The following LRP1B variants were observed in gnomAD, a reference collection of about 807,000 sequenced individuals.
LRP1B encodes the protein LDL receptor related protein 1B.
LRP1B carries 217 observed loss-of-function variants against 556.6 expected under a neutral mutation model. The ratio of observed to expected loss-of-function variants is 0.39; its 90% CI spans 0.35 to 0.44. The LOEUF is 0.44. LRP1B is among the 20% of genes least tolerant of loss of function. The pLI is 1.00. For missense variants in LRP1B, 5,053 were observed against 5,620.8 expected (o/e 0.90, Z 3.23); for synonymous variants, 2,047 against 1,865.8 (o/e 1.10, Z -2.50).
intron 79 of LRP1B, among the ~76,000 whole-genome samples, chr2:140,328,899 CTTTA>C (rs1201023968): frequency 1.1e-4 from 16 of 152,004 alleles, no homozygotes; most frequent in African/African-American, 3.9e-4. Flanking sequence ...TTCATATCCA[CTTTA>C]TTTAACTAGA....
In LRP1B at chr2:140,820,031, G is replaced by T. The variant is rs139204959; in HGVS notation, c.5210-6225C>A. The stretch of plus-strand genomic sequence containing the variant: ...TATTATTTTTTCAAGACAGAGTCTC[G>T]CTCTGTCGCCCAGGCTGGAGTGCAG... On this transcript the variant is annotated intron_variant, in intron 31 of 90. Coordinates refer to ENST00000389484, the MANE Select transcript of LRP1B (RefSeq NM_018557.3). 3.8e-3 allele frequency among the ~76,000 whole-genome samples: 573 copies of T among 152,144 alleles called. 2 individuals are homozygous for T. Among genetic ancestry groups the T allele is most frequent in the Middle Eastern group, 0.02 (6 of 294 alleles).
chr2:140,689,986 CT>C (rs1686181514), intron 41 of LRP1B, among the ~76,000 whole-genome samples: 1 of 152,070 alleles, frequency 6.6e-6, no homozygotes. Flanking sequence ...CAATATAAAA[CT>C]TTCCATCCCA....
At chr2:141,989,231 T>C (rs140371376) in intron 1 of LRP1B, among the ~76,000 whole-genome samples, 329 of 151,704 alleles carry the variant, frequency 2.2e-3, no homozygotes, top group African/African-American at 7.6e-3. Flanking sequence ...ATGGTAATGA[T>C]TTGCATGAAA....
intron 63 of LRP1B, 42 bp from the exon 64 acceptor site, chr2:140,444,721 C>G (rs1256064564): frequency 8.7e-7 from 1 of 1,152,094 alleles, no homozygotes; most frequent in South Asian, 1.3e-5. Flanking sequence ...GTAATCTTAC[C>G]TCACAACTTC....
chr2:141,202,294 A>AT (rs528598203), intron 6 of LRP1B, among the ~76,000 whole-genome samples: 19 of 150,076 alleles, frequency 1.3e-4, no homozygotes, highest in Non-Finnish European at 2.6e-4. Context: ...TATGTACTAT[A>AT]TTTTCCGTAT....
chr2:141,642,286 C>T (rs752077224), intron 2 of LRP1B, among the ~76,000 whole-genome samples: 1 of 152,024 alleles, frequency 6.6e-6, no homozygotes, highest in Non-Finnish European at 1.5e-5. Context: ...AATCTGTTTC[C>T]TCATTTAAAT....
intron 35 of LRP1B, among the ~76,000 whole-genome samples, chr2:140,743,890 C>A (rs1391070956): frequency 7.2e-6 from 1 of 138,680 alleles, no homozygotes; most frequent in Non-Finnish European, 1.5e-5. Context: ...TCACTTGAAC[C>A]CAGGAGGGGG....
chr2:140,546,124 A>T (rs1680329470), intron 43 of LRP1B, among the ~76,000 whole-genome samples: 1 of 151,700 alleles, frequency 6.6e-6, no homozygotes, highest in Non-Finnish European at 1.5e-5. Flanking sequence ...ATTTGTGTAC[A>T]TTGGTTTTTG....
chr2:140,635,495 T>C (rs927733869), intron 41 of LRP1B, among the ~76,000 whole-genome samples: 1 of 152,032 alleles, frequency 6.6e-6, no homozygotes, highest in Admixed American at 6.6e-5. Context: ...TCTTTAGATA[T>C]AACATAGATA....
chr2:141,861,577 A>C (rs1016792554), intron 1 of LRP1B, among the ~76,000 whole-genome samples: 3 of 152,202 alleles, frequency 2.0e-5, no homozygotes, highest in African/African-American at 7.2e-5. Flanking sequence ...GCACCACCTT[A>C]GACTTGCCTG....
intron 5 of LRP1B, among the ~76,000 whole-genome samples, chr2:141,246,260 TAA>T (rs1434320074): frequency 6.6e-6 from 1 of 152,118 alleles, no homozygotes; most frequent in Non-Finnish European, 1.5e-5. Flanking sequence ...AAGGCTACAT[TAA>T]TGTGAATATC....
intron 1 of LRP1B, among the ~76,000 whole-genome samples, chr2:142,083,385 C>T (rs1705793554): frequency 6.6e-6 from 1 of 152,154 alleles, no homozygotes; most frequent in African/African-American, 2.4e-5. Flanking sequence ...CTTCAATGTG[C>T]AGCCTCCATA....
intron 3 of LRP1B, among the ~76,000 whole-genome samples, chr2:141,300,676 C>T (rs550432908): frequency 3.3e-5 from 5 of 152,238 alleles, no homozygotes; most frequent in East Asian, 1.9e-4. Context: ...AGCATTCCCC[C>T]GCCCCTCTCG....
intron 2 of LRP1B, among the ~76,000 whole-genome samples, chr2:141,551,332 A>G (rs1685743633): frequency 6.6e-6 from 1 of 152,034 alleles, no homozygotes; most frequent in African/African-American, 2.4e-5. Context: ...TTCATTAAAC[A>G]TTTAAAAAAG....
At chr2:141,589,536 T>C (rs1687260400) in intron 2 of LRP1B, among the ~76,000 whole-genome samples, 1 of 152,220 alleles carries the variant, frequency 6.6e-6, no homozygotes, top group African/African-American at 2.4e-5. Flanking sequence ...ATCCCCTTTT[T>C]CGTTTCCTGC....
chr2:140,616,484 C>CTTTTTTT (rs11416942), intron 41 of LRP1B, among the ~76,000 whole-genome samples: 1 of 140,536 alleles, frequency 7.1e-6, no homozygotes, highest in Non-Finnish European at 1.5e-5. Context: ...GTGACTCAGT[C>CTTTTTTT]TTTTTTTTTT....
intron 1 of LRP1B, among the ~76,000 whole-genome samples, chr2:142,122,465 T>C (rs919663239): frequency 3.3e-5 from 5 of 152,146 alleles, no homozygotes; most frequent in African/African-American, 9.6e-5. Context: ...GTTGATCATG[T>C]TGGATAGTCA....
intron 3 of LRP1B, among the ~76,000 whole-genome samples, chr2:141,287,007 T>C (rs187053328): frequency 1.8e-3 from 271 of 152,316 alleles, no homozygotes; most frequent in African/African-American, 6.1e-3. Context: ...GGGCAAACCA[T>C]GATGGGTAGT....
chr2:140,317,110 C>T (rs548329520), intron 82 of LRP1B, among the ~76,000 whole-genome samples: 7 of 151,870 alleles, frequency 4.6e-5, no homozygotes, highest in African/African-American at 9.7e-5. Context: ...TCACTGTAAG[C>T]GGACCTGGAT....
Sources: allele counts gnomAD v4.1 joint callset (sites outside exome capture counted in the v4.1 genomes callset), GRCh38; gene constraint gnomAD v4.1.1; transcripts MANE v1.5; gene names NCBI Gene and HGNC (gene_info 2026-07-23, HGNC 2026-07-21).